The following WRNIP1 variants were observed in gnomAD, a reference collection of about 807,000 sequenced individuals.
The protein encoded by WRNIP1 is ATPase WRNIP1.
A neutral mutation model predicts 56.1 loss-of-function variants in WRNIP1; 41 were observed. That is an observed-to-expected ratio of 0.73 (90% CI 0.57 to 0.95). WRNIP1 has a LOEUF of 0.95. Ranked by LOEUF, WRNIP1 falls within the 40% of genes least tolerant of loss-of-function variation. WRNIP1 has a pLI of 0.00. For synonymous variants in WRNIP1, 547 were observed against 398.1 expected, an observed-to-expected ratio of 1.37 and a Z score of -4.45; for missense variants, 1,170 against 939.4, an observed-to-expected ratio of 1.25 and a Z score of -3.21.
Position 2,779,426 on chromosome 6 carries a change from G to A in WRNIP1, c.1420G>A (p.Val474Ile). The stretch of plus-strand genomic sequence containing the variant: ...TGGGCAATCCTATTCTCCCAGTAGA[G>A]TTCTGATCACAGAGAATGACGTGAA... ...KSGQSYSPSR[V>I]LITENDVKEG... Residue 474 changes from valine (V) to isoleucine (I), a missense_variant, in exon 4 of 7, where the codon GTT becomes ATT. Physicochemically the swap from Val to Ile is conservative, Grantham distance 29. Transcript: ENST00000380773. 2 of 1,614,222 alleles carry A rather than the reference G, an allele frequency of 1.2e-6. No homozygotes were observed. The highest frequency in any genetic ancestry group is 1.7e-6 in the Non-Finnish European group (2 of 1,180,042).
intron 3 of WRNIP1, chr6:2,773,141 T>C (rs900157066): frequency 1.2e-5 from 12 of 985,314 alleles, no homozygotes; most frequent in African/African-American, 1.7e-5. Context: ...AGTATACTCA[T>C]GTAAGTGATA....
At chr6:2,784,239 G>C in intron 5 of WRNIP1, 85 bp from the exon 6 acceptor site, 2 of 1,282,762 alleles carry the variant, frequency 1.6e-6, no homozygotes, top group Non-Finnish European at 2.2e-6. Flanking sequence ...TGTACAAGCA[G>C]TGGTGGTCTG....
Position 2,785,430 on chromosome 6 carries a change from G to T in WRNIP1, c.*148G>T. On this transcript the variant is annotated 3_prime_UTR_variant, in exon 7 of 7. Transcript: ENST00000380773. The stretch of plus-strand genomic sequence containing the variant: ...ATTTAAGAGTTCCATAGGTGGAGGC[G>T]CAGTTCTTTCGAATAAATGTGTAAC... 1 of 833,828 alleles carries T rather than the reference G, an allele frequency of 1.2e-6. No homozygotes were observed. Among genetic ancestry groups the T allele is most frequent in the East Asian group, 2.6e-5 (1 of 37,960 alleles). 51.7% of individuals were successfully genotyped at this position (833,828 alleles called of 1,614,324 possible).
chr6:2,766,155 C>T lies in WRNIP1; in HGVS notation c.533C>T (p.Ala178Val), dbSNP rs1582160842. The change falls in exon 1 of 7, where the codon GCG becomes GTG. Residue 178 changes from alanine (A) to valine (V), a missense_variant. Coordinates refer to ENST00000380773, the MANE Select transcript of WRNIP1 (RefSeq NM_020135.3). ...AVGDGDGDGD[A>V]DADGEDDPGH... The stretch of plus-strand genomic sequence containing the variant: ...GGCGACGGCGATGGCGACGGGGACG[C>T]GGACGCGGACGGCGAGGACGACCCG... 2.3e-6 allele frequency: 3 copies of T among 1,320,298 alleles called. No individual in the cohort carries two copies. The highest frequency in any genetic ancestry group is 6.2e-5 in the East Asian group (2 of 32,464). 81.8% of individuals were successfully genotyped at this position (1,320,298 alleles called of 1,614,324 possible). A position where few individuals can be genotyped will look rare whatever the true frequency, so the allele number is the denominator to read the frequency against.
At chr6:2,776,325 G>A (rs1289194372) in intron 3 of WRNIP1, among the ~76,000 whole-genome samples, 2 of 152,212 alleles carry the variant, frequency 1.3e-5, no homozygotes, top group East Asian at 1.9e-4. Context: ...TGTGATCATT[G>A]TGAGTGCTGT....
At chr6:2,779,542 T>C in intron 4 of WRNIP1, 50 bp downstream of exon 4, 1 of 1,557,002 alleles carries the variant, frequency 6.4e-7, no homozygotes, top group Non-Finnish European at 8.7e-7. Context: ...AAGAAGTGTG[T>C]GCACACATTC....
intron 2 of WRNIP1, 75 bp downstream of exon 2, chr6:2,768,957 A>G: frequency 7.0e-7 from 1 of 1,421,208 alleles, no homozygotes; most frequent in Non-Finnish European, 9.5e-7. Context: ...CACTATACAA[A>G]CGCTAGAGAC....
At chr6:2,781,863 A>G (rs1765569188) in intron 4 of WRNIP1, among the ~76,000 whole-genome samples, 1 of 152,058 alleles carries the variant, frequency 6.6e-6, no homozygotes, top group Non-Finnish European at 1.5e-5. Flanking sequence ...CGTTTTTCCC[A>G]TTTTACAGAT....
chr6:2,784,905 G>C (rs973438512), intron 6 of WRNIP1, 102 bp from the exon 7 acceptor site: 2 of 1,415,182 alleles, frequency 1.4e-6, no homozygotes, highest in Non-Finnish European at 1.9e-6. Context: ...AAAGCATGTG[G>C]GGATCTTCTC....
chr6:2,769,239 T>C (rs1355235530), intron 2 of WRNIP1, among the ~76,000 whole-genome samples: 2 of 152,194 alleles, frequency 1.3e-5, no homozygotes, highest in African/African-American at 4.8e-5. Flanking sequence ...TTTTTAAAAA[T>C]TACTTTAACA....
At chr6:2,767,386 A>G (rs1473781466) in intron 1 of WRNIP1, among the ~76,000 whole-genome samples, 2 of 152,100 alleles carry the variant, frequency 1.3e-5, no homozygotes, top group Non-Finnish European at 2.9e-5. Flanking sequence ...TGAGATTCAG[A>G]CTCGTTTGCA....
chr6:2,780,994 A>C (rs1337284852), intron 4 of WRNIP1, among the ~76,000 whole-genome samples: 2 of 152,218 alleles, frequency 1.3e-5, no homozygotes, highest in African/African-American at 2.4e-5. Context: ...CCATTTTAAG[A>C]TAACAAAGCA....
intron 5 of WRNIP1, among the ~76,000 whole-genome samples, chr6:2,783,786 A>T (rs1765640234): frequency 2.0e-5 from 3 of 152,150 alleles, no homozygotes; most frequent in Admixed American, 2.0e-4. Flanking sequence ...GTTTATGTTC[A>T]TAAAGTCACC....
intron 3 of WRNIP1, chr6:2,774,360 C>G (rs1765383788): frequency 3.5e-6 from 3 of 865,306 alleles, no homozygotes; most frequent in Non-Finnish European, 2.8e-6. Context: ...GCCAGAAGAC[C>G]AGAATCAAGG....
chr6:2,779,283 A>C lies in WRNIP1; in HGVS notation c.1277A>C (p.Asp426Ala). 1 of 1,614,210 alleles carries C rather than the reference A, an allele frequency of 6.2e-7. No individual in the cohort carries two copies. The highest frequency in any genetic ancestry group is 1.3e-5 in the African/African-American group (1 of 75,054). Residue 426 changes from aspartate to alanine, a missense_variant, in exon 4 of 7, where the codon GAT (aspartate) becomes GCT (alanine). Asp to Ala is a moderately radical substitution (Grantham distance 126, BLOSUM62 -2). Transcript: ENST00000380773. The part of the protein sequence containing the change: ...SSSEPAMFIE[D>A]KAVDTLAYLS... ...TTCAGGCCCGCCATGTTCATAGAGG[A>C]TAAAGCAGTAGACACCCTGGCTTAC...
chr6:2,772,768 A>T (rs1243781857), intron 3 of WRNIP1, among the ~76,000 whole-genome samples: 1 of 152,230 alleles, frequency 6.6e-6, no homozygotes, highest in African/African-American at 2.4e-5. Context: ...ACTGTCAGGG[A>T]TAATTAAGAG....
intron 2 of WRNIP1, among the ~76,000 whole-genome samples, chr6:2,769,509 T>G (rs897077542): frequency 1.5e-4 from 23 of 152,176 alleles, no homozygotes; most frequent in African/African-American, 5.3e-4. Flanking sequence ...AAAAAATTTT[T>G]TTTTGTAACT....
intron 3 of WRNIP1, among the ~76,000 whole-genome samples, chr6:2,779,019 A>G (rs1765496822): frequency 6.6e-6 from 1 of 152,202 alleles, no homozygotes. Context: ...ACTTAGATGT[A>G]TGAACCTATG....
In WRNIP1 at chr6:2,785,008, T is replaced by C; in HGVS notation, c.1724T>C (p.Val575Ala). 1.2e-6 allele frequency: 2 copies of C among 1,613,758 alleles called. No individual in the cohort carries two copies. Among genetic ancestry groups the C allele is most frequent in the Non-Finnish European group, 1.7e-6 (2 of 1,179,780 alleles). Residue 575 changes from valine to alanine, a missense_variant and splice_region_variant, in exon 7 of 7, where the codon GTG becomes GCG. Transcript: ENST00000380773. ...CHFIGMPECE[V>A]LLAQCVVYFA... Reference sequence around the variant, plus strand: ...ATGTGTCCTCTGTGTCATTGGTAGGTGCTTCTGGCCCAGTGTGTGGTCTAC... The same window carrying C: ...ATGTGTCCTCTGTGTCATTGGTAGGCGCTTCTGGCCCAGTGTGTGGTCTAC...
Sources: gnomAD v4.1 joint callset for allele counts (sites outside exome capture counted in the v4.1 genomes callset) on GRCh38, gnomAD v4.1.1 for gene constraint, MANE v1.5 for transcripts, NCBI Gene and HGNC (gene_info 2026-07-23, HGNC 2026-07-21) for gene names.